The following MLLT3 variants were observed in gnomAD, a reference collection of about 807,000 sequenced individuals.
MLLT3 encodes MLLT3 super elongation complex subunit, also known as protein AF-9.
In MLLT3, 4 loss-of-function variants were observed where a neutral mutation model predicts 53.2. The ratio of observed to expected loss-of-function variants is 0.08; its 90% CI spans 0.04 to 0.17. MLLT3 has a LOEUF of 0.17. Ranked by LOEUF, MLLT3 falls within the 10% of genes least tolerant of loss-of-function variation. The pLI is 1.00. For missense variants in MLLT3, 569 were observed against 684.0 expected (o/e 0.83, Z 1.87); for synonymous variants, 283 against 230.6 (o/e 1.23, Z -2.06).
chr9:20,398,938 G>A (rs1822387338), intron 5 of MLLT3, among the ~76,000 whole-genome samples: 1 of 152,034 alleles, frequency 6.6e-6, no homozygotes, highest in South Asian at 2.1e-4. Context: ...TTCTCTTTCT[G>A]TTGGAGTTTT....
chr9:20,489,203 G>T lies in MLLT3; in HGVS notation c.194-32417C>A, dbSNP rs150677247. On this transcript the variant is annotated intron_variant, in intron 2 of 10. Coordinates refer to ENST00000380338, the MANE Select transcript of MLLT3 (RefSeq NM_004529.4). ...GAGGTAGGGGACTGGCATGTCAATGGAATAGAAAGAATATTGGAAAAATAA... is the reference window on the plus strand; with the variant it reads ...GAGGTAGGGGACTGGCATGTCAATGTAATAGAAAGAATATTGGAAAAATAA... Among the ~76,000 whole-genome samples the T allele has an allele frequency of 2.6e-3, 402 of 152,218 alleles. 1 individual carries two copies. Among genetic ancestry groups the T allele is most frequent in the African/African-American group, 9.5e-3 (393 of 41,544 alleles).
intron 5 of MLLT3, among the ~76,000 whole-genome samples, chr9:20,389,072 C>T (rs568017727): frequency 2.0e-5 from 3 of 152,304 alleles, no homozygotes; most frequent in South Asian, 2.1e-4. Flanking sequence ...CAGCCATTCA[C>T]GGCAGCATTA....
At chr9:20,488,763 G>A (rs950701424) in intron 2 of MLLT3, among the ~76,000 whole-genome samples, 18 of 152,092 alleles carry the variant, frequency 1.2e-4, no homozygotes, top group Admixed American at 3.3e-4. Flanking sequence ...CAAATGCCCC[G>A]TTTTCCATGA....
At chr9:20,599,615 T>C (rs1413313778) in intron 2 of MLLT3, among the ~76,000 whole-genome samples, 2 of 152,168 alleles carry the variant, frequency 1.3e-5, no homozygotes, top group Admixed American at 6.5e-5. Context: ...CCTAGAAGCA[T>C]GGTATAAACA....
intron 5 of MLLT3, among the ~76,000 whole-genome samples, chr9:20,367,301 G>A (rs1372384121): frequency 6.6e-6 from 1 of 152,108 alleles, no homozygotes; most frequent in Non-Finnish European, 1.5e-5. Context: ...ATGTTTTCTT[G>A]TTAGAGGTAC....
In MLLT3 at chr9:20,448,522, G is replaced by A. The variant is rs1188475279; in HGVS notation, c.277-256C>T. Among the ~76,000 whole-genome samples, 1 of 151,984 alleles carries A rather than the reference G, an allele frequency of 6.6e-6. No homozygotes were observed. Among genetic ancestry groups the A allele is most frequent in the Admixed American group, 6.6e-5 (1 of 15,246 alleles). On this transcript the variant is annotated intron_variant, in intron 3 of 10. Transcript: ENST00000380338. The surrounding 1 kb of genome is among the most constrained non-coding windows in gnomAD (Gnocchi z 4.0). ...TCTCTTCTTCCCCATGATCTTTCAGGTGACAGGATACCAGCAACATAGCCA... is the reference window on the plus strand; with the variant it reads ...TCTCTTCTTCCCCATGATCTTTCAGATGACAGGATACCAGCAACATAGCCA...
chr9:20,543,343 A>G (rs146310268), intron 2 of MLLT3, among the ~76,000 whole-genome samples: 23 of 152,358 alleles, frequency 1.5e-4, no homozygotes, highest in African/African-American at 5.5e-4. Context: ...CTTTTAATTT[A>G]AAGTGACAGA....
intron 8 of MLLT3, among the ~76,000 whole-genome samples, chr9:20,355,928 T>A (rs1821160879): frequency 1.3e-5 from 2 of 152,190 alleles, no homozygotes; most frequent in South Asian, 4.1e-4. Flanking sequence ...CATAAAGATT[T>A]TAAGAATGAG....
At position 20,563,198 on chromosome 9, in the gene MLLT3, T is replaced by G. The variant is rs139534108; in HGVS notation, c.193+57456A>C. On this transcript the variant is annotated intron_variant, in intron 2 of 10. Transcript: ENST00000380338. Reference sequence around the variant, plus strand: ...CAGACATAAATATCTTTAAAACATATGGATTACAAGCACAGTCCTGGGAAA... The same window carrying G: ...CAGACATAAATATCTTTAAAACATAGGGATTACAAGCACAGTCCTGGGAAA... Among the ~76,000 whole-genome samples, 601 of 152,216 alleles carry G rather than the reference T, an allele frequency of 3.9e-3. 3 individuals carry two copies. The highest frequency in any genetic ancestry group is 0.014 in the African/African-American group (569 of 41,548).
chr9:20,462,381 TCTCACCTTTTGGATCTTTTAAAAA>T (rs1251170341), intron 2 of MLLT3, among the ~76,000 whole-genome samples: 1 of 152,224 alleles, frequency 6.6e-6, no homozygotes, highest in Non-Finnish European at 1.5e-5. Flanking sequence ...GTTGAGTTGT[TCTCACCTTTTGGATCTTTTAAAAA>T]ATTCAAATGC....
chr9:20,383,979 A>G (rs985734843), intron 5 of MLLT3, among the ~76,000 whole-genome samples: 1 of 152,092 alleles, frequency 6.6e-6, no homozygotes, highest in Non-Finnish European at 1.5e-5. Context: ...GAGAATTCAT[A>G]GAAAAAAGAA....
At chr9:20,377,407 C>A (rs1028263797) in intron 5 of MLLT3, among the ~76,000 whole-genome samples, 11 of 151,764 alleles carry the variant, frequency 7.2e-5, no homozygotes, top group African/African-American at 2.7e-4. Flanking sequence ...GGCTACAGGG[C>A]TCAGTACTGG....
chr9:20,537,358 T>C (rs1818515036), intron 2 of MLLT3, among the ~76,000 whole-genome samples: 1 of 152,194 alleles, frequency 6.6e-6, no homozygotes, highest in Non-Finnish European at 1.5e-5. Flanking sequence ...AATGTACAAT[T>C]TACAGAAAAT....
At chr9:20,611,249 G>A (rs1484129416) in intron 2 of MLLT3, among the ~76,000 whole-genome samples, 1 of 151,898 alleles carries the variant, frequency 6.6e-6, no homozygotes, top group Non-Finnish European at 1.5e-5. Flanking sequence ...GGGAGGCAGG[G>A]GAAATGGGAC....
chr9:20,500,533 A>G (rs947375517), intron 2 of MLLT3, among the ~76,000 whole-genome samples: 6 of 152,218 alleles, frequency 3.9e-5, no homozygotes, highest in Non-Finnish European at 7.3e-5. Flanking sequence ...ATGTGGGTGA[A>G]AGATAACTTT....
At chr9:20,500,159 G>C (rs948887552) in intron 2 of MLLT3, among the ~76,000 whole-genome samples, 3 of 152,204 alleles carry the variant, frequency 2.0e-5, no homozygotes, top group African/African-American at 7.2e-5. Context: ...TTCTAGCTCA[G>C]AGTTTCTCAT....
chr9:20,485,317 C>T (rs1231834798), intron 2 of MLLT3, among the ~76,000 whole-genome samples: 1 of 152,098 alleles, frequency 6.6e-6, no homozygotes, highest in Non-Finnish European at 1.5e-5. Flanking sequence ...GATTTTAAAG[C>T]AAGAGCATAT....
At chr9:20,490,681 T>G (rs931244181) in intron 2 of MLLT3, among the ~76,000 whole-genome samples, 1 of 152,204 alleles carries the variant, frequency 6.6e-6, no homozygotes, top group Non-Finnish European at 1.5e-5. Context: ...GACAGTCTCG[T>G]TTTAAGCCAC....
chr9:20,360,883 A>G (rs1480198624), intron 7 of MLLT3, 42 bp from the exon 8 acceptor site: 1 of 1,526,318 alleles, frequency 6.6e-7, no homozygotes, highest in South Asian at 1.1e-5. Context: ...TTACAAACAG[A>G]TGATTCTTGA....
Sources: gnomAD v4.1 joint callset for allele counts (sites outside exome capture counted in the v4.1 genomes callset) on GRCh38, gnomAD v4.1.1 for gene constraint, Gnocchi (gnomAD v3.1) non-coding constraint, MANE v1.5 for transcripts, NCBI Gene and HGNC (gene_info 2026-07-23, HGNC 2026-07-21) for gene names.